The following ANO1 variants were observed in gnomAD, a reference collection of about 807,000 sequenced individuals.
The protein encoded by ANO1 is anoctamin 1, also known as anoctamin-1.
ANO1 carries 59 observed loss-of-function variants against 124.0 expected under a neutral mutation model. That is an observed-to-expected ratio of 0.48 (90% CI 0.39 to 0.59). The LOEUF is 0.59. ANO1 is among the 20% of genes least tolerant of loss of function. The pLI is 0.00. For missense variants in ANO1, 1,059 were observed against 1,328.0 expected (o/e 0.80, Z 3.15); for synonymous variants, 529 against 532.0 (o/e 0.99, Z 0.08).
At chr11:70,165,181 G>T (rs915544597) in intron 19 of ANO1, among the ~76,000 whole-genome samples, 1 of 152,080 alleles carries the variant, frequency 6.6e-6, no homozygotes, top group African/African-American at 2.4e-5. Flanking sequence ...CCATGTTCAC[G>T]CTGCCTCTTC....
At chr11:70,133,370 G>A (rs1296653033) in intron 11 of ANO1, among the ~76,000 whole-genome samples, 2 of 152,174 alleles carry the variant, frequency 1.3e-5, no homozygotes, top group Non-Finnish European at 2.9e-5. Context: ...AGAGCACCTC[G>A]AAGTATGGCC....
rs1489710696 is a variant in ANO1, at chr11:70,126,181, T to C, written c.1083T>C (p.Asp361=). Residue 361 remains aspartate, a synonymous_variant, in exon 10 of 26, where the codon GAT becomes GAC. Coordinates refer to ENST00000355303, the MANE Select transcript of ANO1 (RefSeq NM_018043.7). ...TCCTGTACGGATGCGCCACCATGGA[T>C]GAAAACATCCCCAGGTAGGCGGCAG... ...IVFLYGCATM[D]ENIPSMEMCD... 1 of 1,612,670 alleles carries C rather than the reference T, an allele frequency of 6.2e-7. No homozygotes were observed. Among genetic ancestry groups the C allele is most frequent in the Non-Finnish European group, 8.5e-7 (1 of 1,179,416 alleles).
At chr11:70,094,235 C>A (rs2044752380) in intron 2 of ANO1, among the ~76,000 whole-genome samples, 1 of 152,222 alleles carries the variant, frequency 6.6e-6, no homozygotes, top group Non-Finnish European at 1.5e-5. Context: ...GGAGACCCCG[C>A]CCCTGCCCGC....
Position 70,116,618 on chromosome 11 carries a change from C to G in ANO1, c.897+119C>G, listed in dbSNP as rs1565216221. 4.3e-6 allele frequency: 4 copies of G among 938,686 alleles called. No individual in the cohort carries two copies. In the East Asian group the frequency reaches 1.1e-4, roughly 25 times the overall value. The allele number at this position is 938,686 out of a possible 1,614,324, so 58.1% of individuals were successfully genotyped here. On this transcript the variant is annotated intron_variant, in intron 8 of 25. Coordinates refer to ENST00000355303, the MANE Select transcript of ANO1 (RefSeq NM_018043.7). ...GCCTCCAGGGCCTCCCCAGGGCGCT[C>G]GCTGCAGGGGGCTGAGAAGCGGGTG...
intron 1 of ANO1, among the ~76,000 whole-genome samples, chr11:69,994,141 G>T (rs1856214681): frequency 1.3e-5 from 2 of 151,670 alleles, no homozygotes; most frequent in Admixed American, 1.3e-4. Context: ...GACCTAAGCG[G>T]TGCATGGGCT....
At chr11:70,018,450 T>C (rs1202925496) in intron 1 of ANO1, 4 of 152,106 alleles carry the variant, frequency 2.6e-5, no homozygotes, top group African/African-American at 9.7e-5. Flanking sequence ...TGTGAGCTGG[T>C]CCTAGCTCTC....
chr11:69,967,419 G>T, the ANO1 span, among the ~76,000 whole-genome samples: 1 of 152,362 alleles, frequency 6.6e-6, no homozygotes, highest in East Asian at 1.9e-4. Flanking sequence ...CTAGGAGGTT[G>T]GTCCGATGCT....
chr11:70,147,028 T>C (rs1379752973), intron 11 of ANO1, among the ~76,000 whole-genome samples: 3 of 152,208 alleles, frequency 2.0e-5, no homozygotes, highest in Non-Finnish European at 4.4e-5. Context: ...AACAACACTT[T>C]GCATCCTTCA....
upstream of ANO1, among the ~76,000 whole-genome samples, chr11:69,984,437 C>T (rs183625424): frequency 9.8e-5 from 11 of 112,144 alleles, no homozygotes; most frequent in East Asian, 2.8e-3. Flanking sequence ...AGGAAAATGG[C>T]AGGTCACCTT....
At chr11:70,166,115 C>G (rs2048244280) in intron 20 of ANO1, among the ~76,000 whole-genome samples, 1 of 151,930 alleles carries the variant, frequency 6.6e-6, no homozygotes, top group Middle Eastern at 3.4e-3. Flanking sequence ...GTCAATAATT[C>G]GAGACCAGCC....
intron 11 of ANO1, chr11:70,141,454 C>A (rs2047151059): frequency 6.6e-6 from 1 of 152,154 alleles, no homozygotes; most frequent in Admixed American, 6.5e-5. Flanking sequence ...CCCTGGGAGA[C>A]AACAAATGTG....
intron 1 of ANO1, chr11:70,016,571 G>A (rs1240263661): frequency 6.6e-6 from 1 of 152,426 alleles, no homozygotes; most frequent in East Asian, 1.9e-4. Flanking sequence ...CACAGAGAGA[G>A]CTAAAACTAG....
the ANO1 span, among the ~76,000 whole-genome samples, chr11:69,966,501 G>A: frequency 6.6e-6 from 1 of 152,226 alleles, no homozygotes; most frequent in African/African-American, 2.4e-5. Flanking sequence ...CAGTGGAGGT[G>A]CTGCGTCGCC....
chr11:70,132,020 C>T lies in ANO1; in HGVS notation c.1199C>T (p.Ala400Val), dbSNP rs2046778540. The T allele has an allele frequency of 6.2e-7, 1 of 1,606,338 alleles. No homozygotes were observed. The highest frequency in any genetic ancestry group is 8.5e-7 in the Non-Finnish European group (1 of 1,178,278). ...KMSSACATAR[A>V]SHLFDNPATV... Reference sequence around the variant, plus strand: ...AGCTCAGCCTGCGCCACGGCCCGCGCCAGCCACCTCTTCGACAACCCCGCC... The same window carrying T: ...AGCTCAGCCTGCGCCACGGCCCGCGTCAGCCACCTCTTCGACAACCCCGCC... The change falls in exon 11 of 26, where the codon GCC (alanine) becomes GTC (valine). Residue 400 changes from alanine to valine, a missense_variant. Around this residue, in one of 2 missense-constraint regions of ANO1, gnomAD observed 809 missense variants for 1,094.9 expected, o/e 0.74. Transcript: ENST00000355303.
intron 19 of ANO1, among the ~76,000 whole-genome samples, chr11:70,164,700 G>A (rs1448512649): frequency 6.6e-6 from 1 of 152,114 alleles, no homozygotes; most frequent in South Asian, 2.1e-4. Flanking sequence ...TGCTTGCCGG[G>A]TCCCAGGCCT....
At chr11:70,128,710 C>T (rs545071729) in intron 10 of ANO1, among the ~76,000 whole-genome samples, 12 of 152,348 alleles carry the variant, frequency 7.9e-5, no homozygotes, top group African/African-American at 2.9e-4. Flanking sequence ...CCGCCTGCTG[C>T]CCTTGTACCT....
intron 18 of ANO1, 110 bp from the exon 19 acceptor site, chr11:70,163,173 C>T (rs1271766150): frequency 3.5e-6 from 4 of 1,158,388 alleles, no homozygotes; most frequent in East Asian, 2.4e-5. Context: ...TAGATACCCT[C>T]GAGGCTCAGC....
At chr11:70,137,707 C>T (rs1590832033) in intron 11 of ANO1, among the ~76,000 whole-genome samples, 2 of 146,646 alleles carry the variant, frequency 1.4e-5, no homozygotes, top group African/African-American at 4.9e-5. Flanking sequence ...CTCCGGGGCC[C>T]GGCTCAGGTT....
Position 70,085,406 on chromosome 11 carries a change from G to A in ANO1, c.109-2346G>A, listed in dbSNP as rs1490126413. 8 of 1,515,016 alleles carry A rather than the reference G, an allele frequency of 5.3e-6. No homozygotes were observed. The Admixed American group carries it at 1.6e-4, about 30-fold the overall frequency. The allele number at this position is 1,515,016 out of a possible 1,614,324, so 93.8% of individuals were successfully genotyped here. ...AGACTTTGTCACAGAGGGCAAGGTGGGCGGGGCACGCACACTGAGTCCAGG... is the reference window on the plus strand; with the variant it reads ...AGACTTTGTCACAGAGGGCAAGGTGAGCGGGGCACGCACACTGAGTCCAGG... On this transcript the variant is annotated intron_variant, in intron 1 of 25. Transcript: ENST00000355303.
Sources: gnomAD v4.1 joint callset for allele counts (sites outside exome capture counted in the v4.1 genomes callset) on GRCh38, gnomAD v4.1.1 for gene constraint, gnomAD v4.1.1 regional missense constraint, MANE v1.5 for transcripts, NCBI Gene and HGNC (gene_info 2026-07-23, HGNC 2026-07-21) for gene names.